The following SLC26A7 variants were observed in gnomAD, a reference collection of about 807,000 sequenced individuals.
SLC26A7 encodes the protein solute carrier family 26 member 7.
Under a neutral mutation model 82.5 loss-of-function variants are expected in SLC26A7, and 59 were observed. That is an observed-to-expected ratio of 0.72 (90% CI 0.58 to 0.89). The LOEUF (loss-of-function observed/expected upper bound fraction) is 0.89, where lower values mean the gene tolerates loss of function less well. Among genes scored for constraint, SLC26A7 ranks in the 40% least tolerant of loss-of-function variants. SLC26A7 has a pLI of 0.00. For synonymous variants in SLC26A7, 271 were observed against 274.3 expected (o/e 0.99, Z 0.12); for missense variants, 820 against 793.0 (o/e 1.03, Z -0.41).
intron 4 of SLC26A7, among the ~76,000 whole-genome samples, chr8:91,298,659 AT>A (rs1812080528): frequency 6.6e-6 from 1 of 152,194 alleles, no homozygotes; most frequent in African/African-American, 2.4e-5. Flanking sequence ...ATGCTAGGTA[AT>A]AATGATTTTA....
At chr8:91,248,502 A>G (rs545968836), upstream of SLC26A7, among the ~76,000 whole-genome samples, 1 of 152,284 alleles carries the variant, frequency 6.6e-6, no homozygotes, top group Admixed American at 6.5e-5. Flanking sequence ...AATTTTAGTT[A>G]GTATGTTGCC....
intron 2 of SLC26A7, among the ~76,000 whole-genome samples, chr8:91,220,472 A>G (rs531267781): frequency 3.3e-5 from 5 of 150,364 alleles, no homozygotes; most frequent in East Asian, 2.0e-4. Flanking sequence ...TGCCGCCCCT[A>G]TTGATCCATC....
upstream of SLC26A7, among the ~76,000 whole-genome samples, chr8:91,247,949 T>C (rs1810569819): frequency 6.6e-6 from 1 of 152,210 alleles, no homozygotes; most frequent in Non-Finnish European, 1.5e-5. Context: ...AGCTTCTGAA[T>C]TTCTTTGCGT....
In SLC26A7 at chr8:91,395,425, A is replaced by C. The variant is rs1057279828; in HGVS notation, c.*328A>C. 6.9e-6 allele frequency: 2 copies of C among 288,720 alleles called. No homozygotes were observed. Among genetic ancestry groups the C allele is most frequent in the Non-Finnish European group, 1.1e-5 (2 of 174,770 alleles). 17.9% of individuals were successfully genotyped at this position (288,720 alleles called of 1,614,324 possible). A position where few individuals can be genotyped will look rare whatever the true frequency, so the allele number is the denominator to read the frequency against. On this transcript the variant is annotated 3_prime_UTR_variant, in exon 19 of 19. Transcript: ENST00000276609. ...TCTATTGTGCTGTAAGTTGATGTTTAAAATTGAGAAATACTTTTGTCATAG... is the reference window on the plus strand; with the variant it reads ...TCTATTGTGCTGTAAGTTGATGTTTCAAATTGAGAAATACTTTTGTCATAG...
chr8:91,220,704 A>G (rs1388964837), intron 2 of SLC26A7, among the ~76,000 whole-genome samples: 1 of 152,198 alleles, frequency 6.6e-6, no homozygotes, highest in African/African-American at 2.4e-5. Context: ...ATGGCTGCAT[A>G]GTATTCCATG....
chr8:91,273,559 A>C (rs1367069278), intron 2 of SLC26A7, among the ~76,000 whole-genome samples: 1 of 152,216 alleles, frequency 6.6e-6, no homozygotes, highest in Non-Finnish European at 1.5e-5. Flanking sequence ...TATATGAGAC[A>C]TACAGTTCTC....
In SLC26A7 at chr8:91,393,926, TTTCTTGA is replaced by T. The variant is rs747010278; in HGVS notation, c.1832-9_1832-3del. On this transcript the variant is annotated splice_polypyrimidine_tract_variant and splice_region_variant and intron_variant, in intron 17 of 18. Coordinates refer to ENST00000276609, the MANE Select transcript of SLC26A7 (RefSeq NM_052832.4). ...ACATGTATTCTTATATCACTTGTGC[TTTCTTGA>T]AGCTTCCTTGATAAAAGCAATGACG... 3.7e-6 allele frequency: 6 copies of T among 1,613,296 alleles called. No individual in the cohort carries two copies. In the East Asian group the frequency reaches 1.3e-4, roughly 36 times the overall value.
At chr8:91,341,606 C>T (rs142061957) in intron 8 of SLC26A7, among the ~76,000 whole-genome samples, 181 of 152,316 alleles carry the variant, frequency 1.2e-3, no homozygotes, top group African/African-American at 4.1e-3. Context: ...TAATACATAG[C>T]AGGCACTGGT....
At chr8:91,293,523 T>C (rs965409807) in intron 3 of SLC26A7, among the ~76,000 whole-genome samples, 5 of 152,198 alleles carry the variant, frequency 3.3e-5, no homozygotes, top group Admixed American at 1.3e-4. Context: ...CATGTCCACA[T>C]TGGCGTGGTG....
In SLC26A7 at chr8:91,362,441, T is replaced by C. The variant is rs938796549; in HGVS notation, c.1403T>C (p.Val468Ala). 4.3e-6 allele frequency: 7 copies of C among 1,612,758 alleles called. No homozygotes were observed. The highest frequency in any genetic ancestry group is 5.1e-6 in the Non-Finnish European group (6 of 1,179,110). The change falls in exon 12 of 19, where the codon GTG (valine) becomes GCG (alanine). Residue 468 changes from valine to alanine, a missense_variant. Physicochemically the swap from Val to Ala is moderately conservative, Grantham distance 64. Transcript: ENST00000276609. ...LFGVVCTIAI[V>A]IGRFPRAMTV... Reference sequence around the variant, plus strand: ...GGTGTTGTTTGTACCATAGCTATAGTGATAGGACGCTTCCCAAGGTAGGAT... The same window carrying C: ...GGTGTTGTTTGTACCATAGCTATAGCGATAGGACGCTTCCCAAGGTAGGAT...
chr8:91,310,914 A>G lies in SLC26A7; in HGVS notation c.478-7302A>G, dbSNP rs182043683. 2.5e-3 allele frequency among the ~76,000 whole-genome samples: 373 copies of G among 152,128 alleles called. 2 individuals carry two copies. Among genetic ancestry groups the G allele is most frequent in the African/African-American group, 8.3e-3 (344 of 41,514 alleles). On this transcript the variant is annotated intron_variant, in intron 4 of 18. Coordinates refer to ENST00000276609, the MANE Select transcript of SLC26A7 (RefSeq NM_052832.4). ...GCTTGGCCCCTTCTAAGTGCACTTT[A>G]CTTTTTTTTTTCCATTCCTGCTCTA...
intron 2 of SLC26A7, among the ~76,000 whole-genome samples, chr8:91,266,471 T>TATTTA (rs1456065402): frequency 6.6e-6 from 1 of 152,004 alleles, no homozygotes; most frequent in Admixed American, 6.6e-5. Flanking sequence ...TATTCCTAGG[T>TATTTA]ATTTTATTTT....
At position 91,312,379 on chromosome 8, in the gene SLC26A7, A is replaced by G. The variant is rs111382818; in HGVS notation, c.478-5837A>G. On this transcript the variant is annotated intron_variant, in intron 4 of 18. Coordinates refer to ENST00000276609, the MANE Select transcript of SLC26A7 (RefSeq NM_052832.4). The stretch of plus-strand genomic sequence containing the variant: ...ACTGATGGACACTTGGTTATCCATT[A>G]TAGTTACTCTGAATAATGCTGCTAT... 1.3e-3 allele frequency among the ~76,000 whole-genome samples: 202 copies of G among 152,278 alleles called. 2 individuals carry two copies. The highest frequency in any genetic ancestry group is 4.8e-3 in the African/African-American group (199 of 41,572).
intron 8 of SLC26A7, among the ~76,000 whole-genome samples, chr8:91,341,181 C>T (rs1387896813): frequency 6.6e-6 from 1 of 151,404 alleles, no homozygotes; most frequent in Non-Finnish European, 1.5e-5. Context: ...TATTCCGCTT[C>T]CTGTGTCCAT....
intron 10 of SLC26A7, among the ~76,000 whole-genome samples, 174 bp downstream of exon 10, chr8:91,352,061 G>A (rs1259568436): frequency 1.3e-5 from 2 of 152,014 alleles, no homozygotes; most frequent in African/African-American, 4.8e-5. Flanking sequence ...GGCAGGCGTG[G>A]GAGGGGGTAC....
intron 1 of SLC26A7, among the ~76,000 whole-genome samples, chr8:91,212,947 C>T (rs372881590): frequency 6.6e-6 from 1 of 152,284 alleles, no homozygotes; most frequent in East Asian, 1.9e-4. Flanking sequence ...GAGAACTCCT[C>T]GAATACTCTT....
intron 6 of SLC26A7, among the ~76,000 whole-genome samples, chr8:91,335,048 T>C (rs943412803): frequency 2.0e-5 from 3 of 152,154 alleles, no homozygotes; most frequent in Non-Finnish European, 2.9e-5. Context: ...TTCAAGAACC[T>C]CTAATAGGAA....
At chr8:91,316,501 G>A (rs1407492287) in intron 4 of SLC26A7, among the ~76,000 whole-genome samples, 2 of 93,342 alleles carry the variant, frequency 2.1e-5, no homozygotes, top group African/African-American at 8.5e-5. Flanking sequence ...AGGAGACATG[G>A]TTTCACATGT....
In SLC26A7 at chr8:91,396,663, A is replaced by G. The variant is rs1471422863; in HGVS notation, c.*1566A>G. ...TAGTGTTTGTCCCTATGGTAGCCTC[A>G]GTCTCTTTATCACTAACTTGGATTG... On this transcript the variant is annotated 3_prime_UTR_variant, in exon 19 of 19. Transcript: ENST00000276609. 6.6e-6 allele frequency: 1 copy of G among 152,066 alleles called. No individual in the cohort carries two copies. Among genetic ancestry groups the G allele is most frequent in the Non-Finnish European group, 1.5e-5 (1 of 67,914 alleles). 9.4% of individuals were successfully genotyped at this position (152,066 alleles called of 1,614,324 possible).
Sources: allele counts gnomAD v4.1 joint callset (sites outside exome capture counted in the v4.1 genomes callset), GRCh38; gene constraint gnomAD v4.1.1; transcripts MANE v1.5; gene names NCBI Gene and HGNC (gene_info 2026-07-23, HGNC 2026-07-21).